FAM184A: variants seen among roughly 807,000 people sequenced by gnomAD.
FAM184A encodes family with sequence similarity 184 member A.
FAM184A carries 99 observed loss-of-function variants against 143.8 expected under a neutral mutation model. That is an observed-to-expected ratio of 0.69 (90% CI 0.58 to 0.81). The LOEUF (loss-of-function observed/expected upper bound fraction) is 0.81, where lower values mean the gene tolerates loss of function less well. Ranked by LOEUF, FAM184A falls within the 40% of genes least tolerant of loss-of-function variation. FAM184A has a pLI of 0.00. For synonymous variants in FAM184A, 427 were observed against 446.4 expected, an observed-to-expected ratio of 0.96 and a Z score of 0.55; for missense variants, 1,217 against 1,310.5, an observed-to-expected ratio of 0.93 and a Z score of 1.10.
chr6:119,130,044 A>ATT (rs113740424), intron 1 of FAM184A, among the ~76,000 whole-genome samples: 21 of 151,572 alleles, frequency 1.4e-4, no homozygotes, highest in South Asian at 1.2e-3. Context: ...GGTTTTAAAC[A>ATT]TTTTTTTTTA....
At chr6:119,094,212 C>CA (rs1322912801) in intron 1 of FAM184A, among the ~76,000 whole-genome samples, 1 of 152,080 alleles carries the variant, frequency 6.6e-6, no homozygotes, top group Admixed American at 6.6e-5. Context: ...GCTGGGATTA[C>CA]AGGAGCAAGC....
chr6:119,033,863 G>A (rs1239707487), intron 1 of FAM184A, among the ~76,000 whole-genome samples: 2 of 148,668 alleles, frequency 1.3e-5, no homozygotes, highest in South Asian at 4.2e-4. Flanking sequence ...ATGGTGGCAC[G>A]CGTCTGTAAT....
At chr6:118,982,391 G>A (rs1379294988) in intron 9 of FAM184A, among the ~76,000 whole-genome samples, 2 of 152,126 alleles carry the variant, frequency 1.3e-5, no homozygotes, top group Non-Finnish European at 2.9e-5. Context: ...TGTTTCTGAG[G>A]ATAACTTGTT....
intron 1 of FAM184A, among the ~76,000 whole-genome samples, chr6:119,064,276 C>T (rs1334230845): frequency 6.6e-6 from 1 of 152,146 alleles, no homozygotes; most frequent in African/African-American, 2.4e-5. Context: ...AAATGCAGTT[C>T]TTCAGTTCTT....
In FAM184A at chr6:119,094,939, G is replaced by A. The variant is rs369989878; in HGVS notation, c.-202+54139C>T. Among the ~76,000 whole-genome samples the A allele has an allele frequency of 1.5e-4, 23 of 152,222 alleles. No homozygotes were observed. In the South Asian group the frequency reaches 1.7e-3, roughly 11 times the overall value. ...CACCACTGGCTGGGGTTCTAATGGGGGAATATTTCTCCTTTGGGCTTGCCC... is the reference window on the plus strand; with the variant it reads ...CACCACTGGCTGGGGTTCTAATGGGAGAATATTTCTCCTTTGGGCTTGCCC... On this transcript the variant is annotated intron_variant, in intron 1 of 16. Transcript: ENST00000352896.
intron 1 of FAM184A, among the ~76,000 whole-genome samples, chr6:119,059,802 C>T (rs1186916912): frequency 1.3e-5 from 2 of 152,152 alleles, no homozygotes; most frequent in Non-Finnish European, 1.5e-5. Context: ...ATTATACATG[C>T]TTTATTAATG....
chr6:119,133,559 C>A (rs534283612), intron 1 of FAM184A, among the ~76,000 whole-genome samples: 2 of 152,008 alleles, frequency 1.3e-5, no homozygotes, highest in Non-Finnish European at 2.9e-5. Flanking sequence ...GCCTGACTTG[C>A]GGTAAGTTGG....
At chr6:119,019,826 C>A in intron 4 of FAM184A, 152 bp downstream of exon 4, 2 of 592,496 alleles carry the variant, frequency 3.4e-6, no homozygotes, top group Middle Eastern at 3.1e-4. Flanking sequence ...TAGCTATATA[C>A]CCATTTCCTC....
chr6:119,003,669 C>T (rs756952252), intron 7 of FAM184A, 47 bp from the exon 8 acceptor site: 5 of 1,549,706 alleles, frequency 3.2e-6, no homozygotes, highest in African/African-American at 1.4e-5. Flanking sequence ...CAAAAACAAA[C>T]ACTGCTGGTT....
At position 118,998,639 on chromosome 6, in the gene FAM184A, AAAG is replaced by A. The variant is rs1220490444; in HGVS notation, c.2088+4257_2088+4259del. Among the ~76,000 whole-genome samples the A allele has an allele frequency of 1.7e-4, 26 of 152,336 alleles. 1 individual carries two copies. The highest frequency in any genetic ancestry group is 6.0e-4 in the African/African-American group (25 of 41,564). On this transcript the variant is annotated intron_variant, in intron 9 of 17. Transcript: ENST00000338891. ...GTAGATAACTGATTAAGTGAAGGGA[AAAG>A]CTGTGCAGATCTCTAGAAAGTGGGT...
At chr6:119,081,243 T>C (rs545268003), upstream of FAM184A, among the ~76,000 whole-genome samples, 5 of 152,272 alleles carry the variant, frequency 3.3e-5, no homozygotes, top group Admixed American at 6.5e-5. Context: ...CTATCAGATC[T>C]TGTGACAGCT....
intron 17 of FAM184A, chr6:118,960,708 A>G: frequency 2.4e-6 from 2 of 836,566 alleles, no homozygotes; most frequent in Non-Finnish European, 3.5e-6. Context: ...TATAGTTTAT[A>G]CTTTTCTTAA....
At chr6:119,085,764 A>C (rs756858954) in intron 1 of FAM184A, among the ~76,000 whole-genome samples, 2 of 152,244 alleles carry the variant, frequency 1.3e-5, no homozygotes, top group Non-Finnish European at 2.9e-5. Context: ...TGCAGGATGC[A>C]GAGGACGCAT....
At chr6:119,061,426 G>C (rs1329229205) in intron 1 of FAM184A, among the ~76,000 whole-genome samples, 2 of 151,594 alleles carry the variant, frequency 1.3e-5, no homozygotes, top group Non-Finnish European at 2.9e-5. Flanking sequence ...TGCAATCACA[G>C]CTCACTGTAG....
intron 3 of FAM184A, among the ~76,000 whole-genome samples, chr6:119,022,053 C>CTTTTT (rs34128659): frequency 4.0e-3 from 337 of 84,396 alleles, no homozygotes; most frequent in Non-Finnish European, 5.0e-3. Flanking sequence ...TTCGTTCTTT[C>CTTTTT]TTTTTTTTTT....
At chr6:119,072,140 G>A (rs1787711809) in intron 1 of FAM184A, among the ~76,000 whole-genome samples, 1 of 152,124 alleles carries the variant, frequency 6.6e-6, no homozygotes, top group Non-Finnish European at 1.5e-5. Flanking sequence ...GGGACTGTAG[G>A]CATGAGCCAG....
At chr6:119,068,192 A>G (rs1350260640) in intron 1 of FAM184A, among the ~76,000 whole-genome samples, 5 of 151,672 alleles carry the variant, frequency 3.3e-5, no homozygotes, top group Admixed American at 2.6e-4. Context: ...GATTACAGGC[A>G]TGCACCACCA....
At chr6:119,087,373 G>A (rs1788249073) in intron 1 of FAM184A, among the ~76,000 whole-genome samples, 1 of 152,140 alleles carries the variant, frequency 6.6e-6, no homozygotes, top group Non-Finnish European at 1.5e-5. Context: ...AGCATATAAA[G>A]AATTTCTAAA....
At chr6:119,041,816 C>A (rs1022365800) in intron 1 of FAM184A, among the ~76,000 whole-genome samples, 1 of 152,124 alleles carries the variant, frequency 6.6e-6, no homozygotes, top group Non-Finnish European at 1.5e-5. Context: ...GCTAAGTGCC[C>A]GGGTTCGTCC....
Sources: gnomAD v4.1 joint callset for allele counts (sites outside exome capture counted in the v4.1 genomes callset) on GRCh38, gnomAD v4.1.1 for gene constraint, MANE v1.5 for transcripts, NCBI Gene and HGNC (gene_info 2026-07-23, HGNC 2026-07-21) for gene names.